CHST11: variants seen among roughly 807,000 people sequenced by gnomAD.
CHST11 encodes carbohydrate sulfotransferase 11, also known as C4S-1.
In CHST11, 9 loss-of-function variants were observed where a neutral mutation model predicts 30.4. The ratio of observed to expected loss-of-function variants is 0.30; its 90% CI spans 0.18 to 0.52. The LOEUF is 0.52. Ranked by LOEUF, CHST11 falls within the 20% of genes least tolerant of loss-of-function variation. CHST11 has a pLI of 0.97. For missense variants in CHST11, 348 were observed against 460.6 expected, an observed-to-expected ratio of 0.76 and a Z score of 2.24; for synonymous variants, 152 against 187.8, an observed-to-expected ratio of 0.81 and a Z score of 1.56.
chr12:104,462,529 A>G (rs1236773324), intron 1 of CHST11, among the ~76,000 whole-genome samples: 2 of 151,562 alleles, frequency 1.3e-5, no homozygotes, highest in Non-Finnish European at 2.9e-5. Context: ...GTCTGGTATT[A>G]TTTTTTTTGC....
chr12:104,563,021 G>T (rs1008331791), intron 1 of CHST11, among the ~76,000 whole-genome samples: 6 of 151,766 alleles, frequency 4.0e-5, no homozygotes, highest in Non-Finnish European at 5.9e-5. Context: ...TTGTGAAGTG[G>T]TTTTTTTTGT....
chr12:104,575,633 A>G (rs529340293), intron 1 of CHST11, among the ~76,000 whole-genome samples: 1 of 152,226 alleles, frequency 6.6e-6, no homozygotes, highest in East Asian at 2.0e-4. Flanking sequence ...CTGAGTGGCC[A>G]GCAGGTGCTG....
intron 2 of CHST11, among the ~76,000 whole-genome samples, chr12:104,690,586 G>A (rs1254080336): frequency 6.6e-6 from 1 of 152,212 alleles, no homozygotes; most frequent in East Asian, 1.9e-4. Flanking sequence ...AGCACTTTGG[G>A]AGGCCGAGGA....
At chr12:104,680,473 C>A (rs12308463) in intron 2 of CHST11, among the ~76,000 whole-genome samples, 10,058 of 152,216 alleles carry the variant, frequency 0.066, 881 homozygotes, top group African/African-American at 0.2. Context: ...GGCCAATCTG[C>A]GGGGCCTGGT....
chr12:104,514,553 G>A (rs2038002744), intron 1 of CHST11: 1 of 467,216 alleles, frequency 2.1e-6, no homozygotes, highest in African/African-American at 2.0e-5. Context: ...AAGAAATAGA[G>A]GTTTACTTGG....
intron 2 of CHST11, among the ~76,000 whole-genome samples, chr12:104,718,814 A>T (rs2040151995): frequency 6.6e-6 from 1 of 152,206 alleles, no homozygotes; most frequent in African/African-American, 2.4e-5. Context: ...GAAAAATTTC[A>T]TTCCGGTGGA....
At chr12:104,614,034 T>A (rs902873840) in intron 2 of CHST11, among the ~76,000 whole-genome samples, 1 of 152,206 alleles carries the variant, frequency 6.6e-6, no homozygotes, top group African/African-American at 2.4e-5. Flanking sequence ...GGAAAGCAGA[T>A]CTTAAATGTT....
chr12:104,467,172 C>A lies in CHST11; in HGVS notation c.118+9643C>A, dbSNP rs141808095. On this transcript the variant is annotated intron_variant, in intron 1 of 2. Transcript: ENST00000303694. ...AATGGTGGAATTATTGAGGTGGTCA[C>A]TCCAGTTCATTTTGTGGTTGAGGAT... Among the ~76,000 whole-genome samples, 69 of 152,256 alleles carry A rather than the reference C, an allele frequency of 4.5e-4. 1 individual carries two copies. The East Asian group carries it at 0.01, about 23-fold the overall frequency.
At chr12:104,549,253 C>CA (rs2136007837) in intron 1 of CHST11, among the ~76,000 whole-genome samples, 1 of 152,286 alleles carries the variant, frequency 6.6e-6, no homozygotes, top group East Asian at 1.9e-4. Flanking sequence ...ATGTCAACTG[C>CA]AAAGTTCCTT....
intron 1 of CHST11, among the ~76,000 whole-genome samples, chr12:104,478,542 A>C (rs1178005531): frequency 6.6e-6 from 1 of 152,178 alleles, no homozygotes; most frequent in Non-Finnish European, 1.5e-5. Flanking sequence ...GGAAGTGAGA[A>C]TAAGTCTAAA....
chr12:104,648,546 AT>A (rs1277471333), intron 2 of CHST11, among the ~76,000 whole-genome samples: 1 of 152,184 alleles, frequency 6.6e-6, no homozygotes, highest in Non-Finnish European at 1.5e-5. Flanking sequence ...ATGGTGGCTC[AT>A]GCCTATAATC....
At chr12:104,517,989 C>CT (rs2038041953) in intron 1 of CHST11, among the ~76,000 whole-genome samples, 1 of 152,172 alleles carries the variant, frequency 6.6e-6, no homozygotes, top group Non-Finnish European at 1.5e-5. Context: ...GTTCCCGCCT[C>CT]TGAGTCAAGA....
chr12:104,594,713 C>G (rs1000550443), intron 1 of CHST11, among the ~76,000 whole-genome samples: 5 of 152,264 alleles, frequency 3.3e-5, no homozygotes, highest in Admixed American at 6.5e-5. Context: ...TCCCAGCACT[C>G]TGGGAGACCA....
At chr12:104,749,544 A>G (rs2040414024) in intron 2 of CHST11, among the ~76,000 whole-genome samples, 1 of 152,224 alleles carries the variant, frequency 6.6e-6, no homozygotes, top group Non-Finnish European at 1.5e-5. Context: ...TCAGATCAAC[A>G]AGTCCTTTCT....
At chr12:104,535,748 G>A (rs1382702651) in intron 1 of CHST11, among the ~76,000 whole-genome samples, 1 of 152,220 alleles carries the variant, frequency 6.6e-6, no homozygotes, top group Non-Finnish European at 1.5e-5. Flanking sequence ...TAACCTCGGA[G>A]TTATAAACCA....
intron 1 of CHST11, among the ~76,000 whole-genome samples, chr12:104,565,391 C>T (rs1340740933): frequency 4.0e-5 from 6 of 151,492 alleles, no homozygotes; most frequent in East Asian, 3.9e-4. Context: ...CTCAGCCTCC[C>T]GAGTAGCTGG....
At chr12:104,671,173 GTCTGCTGGC>G (rs2039692973) in intron 2 of CHST11, among the ~76,000 whole-genome samples, 2 of 152,188 alleles carry the variant, frequency 1.3e-5, no homozygotes, top group Non-Finnish European at 2.9e-5. Context: ...CTGACAGCTA[GTCTGCTGGC>G]CATGGGCACA....
At chr12:104,578,290 C>A (rs1337744710) in intron 1 of CHST11, among the ~76,000 whole-genome samples, 1 of 152,190 alleles carries the variant, frequency 6.6e-6, no homozygotes, top group Non-Finnish European at 1.5e-5. Context: ...AGTCGTTGAA[C>A]CCCGAGTTCC....
chr12:104,467,061 G>T lies in CHST11; in HGVS notation c.118+9532G>T, dbSNP rs572273425. ...TTAGGCCTCAGTTCTATTTTGTGAG[G>T]AATAGGATAGTTAAAAGTAGATAAT... is the stretch of plus-strand genomic sequence containing the variant. On this transcript the variant is annotated intron_variant, in intron 1 of 2. Transcript: ENST00000303694. Among the ~76,000 whole-genome samples the T allele has an allele frequency of 2.6e-5, 4 of 152,250 alleles. No individual in the cohort carries two copies. In the East Asian group the frequency reaches 7.7e-4, roughly 29 times the overall value.
Sources: gnomAD v4.1 joint callset for allele counts (sites outside exome capture counted in the v4.1 genomes callset) on GRCh38, gnomAD v4.1.1 for gene constraint, MANE v1.5 for transcripts, NCBI Gene and HGNC (gene_info 2026-07-23, HGNC 2026-07-21) for gene names.